WDR36: variants seen among roughly 807,000 people sequenced by gnomAD.
WDR36 encodes the protein WD repeat-containing protein 36.
A neutral mutation model predicts 112.7 loss-of-function variants in WDR36; 63 were observed. The ratio of observed to expected loss-of-function variants is 0.56; its 90% CI spans 0.46 to 0.69. The LOEUF (loss-of-function observed/expected upper bound fraction) is 0.69, where lower values mean the gene tolerates loss of function less well. WDR36 is among the 30% of genes least tolerant of loss of function. WDR36 has a pLI of 0.00. For missense variants in WDR36, 1,226 were observed against 1,070.3 expected, an observed-to-expected ratio of 1.15 and a Z score of -2.03; for synonymous variants, 410 against 362.2, an observed-to-expected ratio of 1.13 and a Z score of -1.50.
chr5:111,092,403 G>A lies in WDR36; in HGVS notation c.-54G>A, dbSNP rs1160218585. 6.2e-7 allele frequency: 1 copy of A among 1,614,230 alleles called. No individual in the cohort carries two copies. The highest frequency in any genetic ancestry group is 1.1e-5 in the South Asian group (1 of 91,092). Reference sequence around the variant, plus strand: ...TCCACTAGACACGCTGAAGGGACTGGGTACGTGTTTTCCTTCAGGACCAGA... The same window carrying A: ...TCCACTAGACACGCTGAAGGGACTGAGTACGTGTTTTCCTTCAGGACCAGA... On this transcript the variant is annotated 5_prime_UTR_variant, in exon 1 of 23. Transcript: ENST00000513710.
At chr5:111,107,578 C>A in intron 12 of WDR36, 139 bp downstream of exon 12, 2 of 1,108,042 alleles carry the variant, frequency 1.8e-6, no homozygotes, top group Non-Finnish European at 2.5e-6. Flanking sequence ...CCCAAAGCCA[C>A]AAAAATTTGC....
At position 111,094,917 on chromosome 5, in the gene WDR36, C is replaced by T. The variant is rs1030156244; in HGVS notation, c.163-3C>T. The T allele has an allele frequency of 5.6e-6, 9 of 1,601,990 alleles. No individual in the cohort carries two copies. The highest frequency in any genetic ancestry group is 7.7e-6 in the Non-Finnish European group (9 of 1,172,354). On this transcript the variant is annotated splice_region_variant and splice_polypyrimidine_tract_variant and intron_variant, in intron 1 of 22. Transcript: ENST00000513710. ...AATTTAACCTTTTTTCTTTTTTAAA[C>T]AGGTTCAGAAACTTAGTCTGGTTGC... is the stretch of plus-strand genomic sequence containing the variant.
chr5:111,106,635 AGTT>A (rs531215757), intron 11 of WDR36, among the ~76,000 whole-genome samples: 60 of 151,592 alleles, frequency 4.0e-4, no homozygotes, highest in African/African-American at 1.4e-3. Flanking sequence ...TCTATTTGAA[AGTT>A]GTTATTATGA....
At chr5:111,118,776 TC>T (rs748966565) in intron 16 of WDR36, among the ~76,000 whole-genome samples, 4 of 152,174 alleles carry the variant, frequency 2.6e-5, no homozygotes, top group Non-Finnish European at 4.4e-5. Context: ...AAACTGCTTC[TC>T]CAGTTAGTCA....
chr5:111,097,224 T>C (rs1295398976), intron 3 of WDR36, 45 bp downstream of exon 3: 1 of 1,396,630 alleles, frequency 7.2e-7, no homozygotes, highest in Non-Finnish European at 1.0e-6. Flanking sequence ...TATTTGTTTG[T>C]CATGATAGTG....
At chr5:111,126,221 A>G (rs965410022) in intron 22 of WDR36, among the ~76,000 whole-genome samples, 3 of 152,018 alleles carry the variant, frequency 2.0e-5, no homozygotes, top group African/African-American at 4.8e-5. Flanking sequence ...TATGAATAGA[A>G]AGTTGGGTTT....
intron 4 of WDR36, among the ~76,000 whole-genome samples, chr5:111,100,312 T>G (rs1324576603): frequency 6.6e-6 from 1 of 151,956 alleles, no homozygotes; most frequent in Non-Finnish European, 1.5e-5. Context: ...TTATTATCCT[T>G]TTCTGTAAAG....
At chr5:111,125,832 T>G in intron 22 of WDR36, 37 bp downstream of exon 22, 1 of 1,610,020 alleles carries the variant, frequency 6.2e-7, no homozygotes, top group Non-Finnish European at 8.5e-7. Context: ...CCAGCTTGTC[T>G]TCTTCTGGGG....
intron 1 of WDR36, 78 bp from the exon 2 acceptor site, chr5:111,094,842 A>G (rs892673861): frequency 1.5e-5 from 17 of 1,169,864 alleles, no homozygotes; most frequent in African/African-American, 4.6e-5. Flanking sequence ...GTATGAGGTT[A>G]TATCTTAATC....
intron 4 of WDR36, among the ~76,000 whole-genome samples, chr5:111,099,463 G>GTTTTTTTTTTTTTTTTTTTTTTTTTTTT (rs67437234): frequency 2.4e-5 from 2 of 84,966 alleles, no homozygotes; most frequent in African/African-American, 4.5e-5. Context: ...TTTTTTTTTT[G>GTTTTTTTTTTTTTTTTTTTTTTTTTTTT]TTTTTTTTTT....
chr5:111,125,872 G>C lies in WDR36; in HGVS notation c.2538+77G>C, dbSNP rs1042440355. 4.0e-6 allele frequency: 6 copies of C among 1,495,850 alleles called. No homozygotes were observed. The African/African-American group carries it at 5.5e-5, about 14-fold the overall frequency. The allele number at this position is 1,495,850 out of a possible 1,614,324, so 92.7% of individuals were successfully genotyped here. Reference sequence around the variant, plus strand: ...GCTATCTAACAGAACTTTCTGCAAAGATGGGTATGCTGTATATCCATCCTT... The same window carrying C: ...GCTATCTAACAGAACTTTCTGCAAACATGGGTATGCTGTATATCCATCCTT... On this transcript the variant is annotated intron_variant, in intron 22 of 22. Coordinates refer to ENST00000513710, the MANE Select transcript of WDR36 (RefSeq NM_139281.3).
At chr5:111,104,581 A>C in intron 8 of WDR36, 116 bp from the exon 9 acceptor site, 1 of 1,516,902 alleles carries the variant, frequency 6.6e-7, no homozygotes, top group East Asian at 2.3e-5. Context: ...GTAGCTCCAG[A>C]GTCAGTGGCT....
intron 3 of WDR36, among the ~76,000 whole-genome samples, chr5:111,097,524 T>C (rs1258463650): frequency 2.0e-5 from 3 of 152,210 alleles, no homozygotes; most frequent in African/African-American, 7.2e-5. Context: ...TTAAAATACT[T>C]TCCTAGAAAA....
At position 111,110,777 on chromosome 5, in the gene WDR36, C is replaced by T; in HGVS notation, c.1442-11C>T. On this transcript the variant is annotated splice_polypyrimidine_tract_variant and intron_variant, in intron 13 of 22. Coordinates refer to ENST00000513710, the MANE Select transcript of WDR36 (RefSeq NM_139281.3). ...TCTGATTTTTTTTTTCTTTTGACAT[C>T]TACCTTACAGCTCACAAGGGATCTG... 1.2e-6 allele frequency: 2 copies of T among 1,608,808 alleles called. No individual in the cohort carries two copies. The highest frequency in any genetic ancestry group is 1.7e-6 in the Non-Finnish European group (2 of 1,176,780).
At chr5:111,124,009 C>A (rs777012751) in intron 20 of WDR36, 85 bp downstream of exon 20, 111 of 1,603,228 alleles carry the variant, frequency 6.9e-5, no homozygotes, top group Non-Finnish European at 8.9e-5. Flanking sequence ...CCTAGTTTTA[C>A]AGATATAGGG....
Position 111,127,007 on chromosome 5 carries a change from C to A in WDR36, c.*124C>A. On this transcript the variant is annotated 3_prime_UTR_variant, in exon 23 of 23. Transcript: ENST00000513710. Reference sequence around the variant, plus strand: ...TAGCACTACTGACTAGTCAGTATATCTCCACTTTAAATGCTAAATACTTTC... The same window carrying A: ...TAGCACTACTGACTAGTCAGTATATATCCACTTTAAATGCTAAATACTTTC... 1.1e-6 allele frequency: 1 copy of A among 918,914 alleles called. No individual in the cohort carries two copies. Among genetic ancestry groups the A allele is most frequent in the Non-Finnish European group, 1.6e-6 (1 of 626,098 alleles). The allele number at this position is 918,914 out of a possible 1,614,324, so 56.9% of individuals were successfully genotyped here. A position where few individuals can be genotyped will look rare whatever the true frequency, so the allele number is the denominator to read the frequency against.
chr5:111,127,045 C>T lies in WDR36; in HGVS notation c.*162C>T. ...GCTAAATACTTTCTTGAAATAAAAT[C>T]GCACCTCCCGGCCAGGCATGATGGA... On this transcript the variant is annotated 3_prime_UTR_variant, in exon 23 of 23. Coordinates refer to ENST00000513710, the MANE Select transcript of WDR36 (RefSeq NM_139281.3). 4 of 694,950 alleles carry T rather than the reference C, an allele frequency of 5.8e-6. No individual in the cohort carries two copies. Among genetic ancestry groups the T allele is most frequent in the East Asian group, 3.0e-5 (1 of 33,246 alleles). 43.0% of individuals were successfully genotyped at this position (694,950 alleles called of 1,614,324 possible).
intron 4 of WDR36, among the ~76,000 whole-genome samples, chr5:111,099,212 C>G (rs1358822013): frequency 6.6e-6 from 1 of 151,986 alleles, no homozygotes; most frequent in Non-Finnish European, 1.5e-5. Context: ...TAAACTTGAT[C>G]TTGTAATCTG....
At position 111,110,178 on chromosome 5, in the gene WDR36, T is replaced by C. The variant is rs773853042; in HGVS notation, c.1327-11T>C. On this transcript the variant is annotated splice_polypyrimidine_tract_variant and intron_variant, in intron 12 of 22. Coordinates refer to ENST00000513710, the MANE Select transcript of WDR36 (RefSeq NM_139281.3). The stretch of plus-strand genomic sequence containing the variant: ...AGTTATTTTGTCATTTGTGGGTTTT[T>C]TTTCTTAAAGGCAGTGGATATAACT... 25 of 1,599,866 alleles carry C rather than the reference T, an allele frequency of 1.6e-5. No homozygotes were observed. Among genetic ancestry groups the C allele is most frequent in the South Asian group, 5.5e-5 (5 of 90,784 alleles).
Sources: gnomAD v4.1 joint callset for allele counts (sites outside exome capture counted in the v4.1 genomes callset) on GRCh38, gnomAD v4.1.1 for gene constraint, MANE v1.5 for transcripts, NCBI Gene and HGNC (gene_info 2026-07-23, HGNC 2026-07-21) for gene names.